LRRC4C: variants seen among roughly 807,000 people sequenced by gnomAD.
The protein encoded by LRRC4C is leucine-rich repeat-containing protein 4C.
A neutral mutation model predicts 33.6 loss-of-function variants in LRRC4C; 5 were observed. The observed-to-expected ratio is 0.15, with a 90% CI of 0.08 to 0.31. LRRC4C has a LOEUF of 0.31. Among genes scored for constraint, LRRC4C ranks in the 10% least tolerant of loss-of-function variants. LRRC4C has a pLI of 1.00. For missense variants in LRRC4C, 560 were observed against 796.7 expected, an observed-to-expected ratio of 0.70 and a Z score of 3.58; for synonymous variants, 329 against 302.0, an observed-to-expected ratio of 1.09 and a Z score of -0.93.
chr11:40,876,268 T>TTTC (rs1426743059), intron 2 of LRRC4C, among the ~76,000 whole-genome samples: 2 of 148,162 alleles, frequency 1.3e-5, no homozygotes. Flanking sequence ...GGGTTTTTTT[T>TTTC]TTTTTTTTTT....
chr11:40,731,197 T>C (rs1244359241), intron 2 of LRRC4C, among the ~76,000 whole-genome samples: 2 of 151,832 alleles, frequency 1.3e-5, no homozygotes, highest in African/African-American at 2.4e-5. Flanking sequence ...CAAGTGCCTG[T>C]AGTCCCAGCT....
At chr11:40,434,104 C>A (rs1394347447) in intron 3 of LRRC4C, among the ~76,000 whole-genome samples, 1 of 152,138 alleles carries the variant, frequency 6.6e-6, no homozygotes, top group African/African-American at 2.4e-5. Context: ...AATCTTTCAA[C>A]TATGATATTA....
chr11:40,521,831 T>C (rs1434540610), intron 3 of LRRC4C, among the ~76,000 whole-genome samples: 1 of 151,914 alleles, frequency 6.6e-6, no homozygotes, highest in Non-Finnish European at 1.5e-5. Context: ...ATCGTGCCAC[T>C]GTACTCCAGC....
intron 3 of LRRC4C, among the ~76,000 whole-genome samples, chr11:40,455,850 C>T (rs1952107002): frequency 6.6e-6 from 1 of 151,792 alleles, no homozygotes; most frequent in Admixed American, 6.6e-5. Context: ...CTGTGTTGGC[C>T]AACTCATTTT....
At chr11:41,056,022 C>G (rs1858595694) in intron 1 of LRRC4C, among the ~76,000 whole-genome samples, 2 of 152,144 alleles carry the variant, frequency 1.3e-5, no homozygotes, top group Non-Finnish European at 2.9e-5. Context: ...GTGTTAGTTA[C>G]ATGTACACAA....
rs570196437 is a variant in LRRC4C, at chr11:40,214,973, T to C, written c.-96+26546A>G. 3.3e-4 allele frequency among the ~76,000 whole-genome samples: 50 copies of C among 152,268 alleles called. 1 individual carries two copies. The South Asian group carries it at 0.01, about 32-fold the overall frequency. ...GCTGGTACTCCCTGGAGTTGTACTG[T>C]GCGCAGCCTGTGTGAAGGGACCTGG... On this transcript the variant is annotated intron_variant, in intron 5 of 6. Transcript: ENST00000528697.
At chr11:41,041,303 A>C (rs1042260391) in intron 1 of LRRC4C, among the ~76,000 whole-genome samples, 1 of 152,310 alleles carries the variant, frequency 6.6e-6, no homozygotes, top group African/African-American at 2.4e-5. Flanking sequence ...TTGTAAAGAT[A>C]TCTTCTCAGA....
At chr11:40,305,534 AT>A (rs1456506703) in intron 4 of LRRC4C, among the ~76,000 whole-genome samples, 1 of 152,032 alleles carries the variant, frequency 6.6e-6, no homozygotes, top group Admixed American at 6.6e-5. Flanking sequence ...TGTAGCAAAT[AT>A]TCTCAGGTCA....
chr11:40,629,089 A>G (rs1383084503), intron 3 of LRRC4C, among the ~76,000 whole-genome samples: 1 of 152,216 alleles, frequency 6.6e-6, no homozygotes, highest in Admixed American at 6.5e-5. Flanking sequence ...AGCAAGTTGC[A>G]ATTAAAACAT....
At chr11:40,559,767 C>G (rs1957474728) in intron 3 of LRRC4C, among the ~76,000 whole-genome samples, 1 of 152,104 alleles carries the variant, frequency 6.6e-6, no homozygotes, top group Non-Finnish European at 1.5e-5. Context: ...ACCATTCTGA[C>G]TGGTACGAGT....
rs145980399 is a variant in LRRC4C, at chr11:40,676,393, C to T, written c.-406-28115G>A. On this transcript the variant is annotated intron_variant, in intron 2 of 6. Transcript: ENST00000528697. ...AACCCTAGAGATCATCTAATTTAAC[C>T]TCCTACACTGTAGGAATTCCCTCCG... 8.6e-4 allele frequency among the ~76,000 whole-genome samples: 131 copies of T among 152,244 alleles called. 4 individuals are homozygous for T. The East Asian group carries it at 0.023, about 26-fold the overall frequency.
chr11:41,446,054 T>A (rs1955816092), intron 1 of LRRC4C, among the ~76,000 whole-genome samples: 1 of 152,168 alleles, frequency 6.6e-6, no homozygotes, highest in Admixed American at 6.5e-5. Context: ...GACTCAATAA[T>A]AACGTTAAAA....
chr11:40,384,554 C>T (rs1180847059), intron 3 of LRRC4C, among the ~76,000 whole-genome samples: 1 of 152,168 alleles, frequency 6.6e-6, no homozygotes, highest in Non-Finnish European at 1.5e-5. Context: ...ATGGGTCCAA[C>T]ATTCAAATCG....
chr11:41,161,584 A>T (rs892848398), intron 1 of LRRC4C, among the ~76,000 whole-genome samples: 1 of 152,286 alleles, frequency 6.6e-6, no homozygotes, highest in Middle Eastern at 3.4e-3. Context: ...AGTGCATGTC[A>T]TGGACACTTA....
intron 1 of LRRC4C, among the ~76,000 whole-genome samples, chr11:41,381,441 T>C (rs1043186865): frequency 2.0e-5 from 3 of 151,738 alleles, no homozygotes; most frequent in Non-Finnish European, 4.4e-5. Flanking sequence ...GCCTGGCCAA[T>C]AGGGTGAAAC....
At chr11:40,579,659 C>T (rs1446510197) in intron 3 of LRRC4C, among the ~76,000 whole-genome samples, 1 of 152,114 alleles carries the variant, frequency 6.6e-6, no homozygotes, top group Non-Finnish European at 1.5e-5. Flanking sequence ...TTCAGCCCGT[C>T]TATAACTCTT....
At chr11:41,455,671 A>G (rs987374705) in intron 1 of LRRC4C, among the ~76,000 whole-genome samples, 2 of 152,190 alleles carry the variant, frequency 1.3e-5, no homozygotes, top group Non-Finnish European at 2.9e-5. Flanking sequence ...TAAAGTCATC[A>G]TTACTGTAAC....
At chr11:41,410,682 C>T (rs1170550886) in intron 1 of LRRC4C, among the ~76,000 whole-genome samples, 14 of 152,122 alleles carry the variant, frequency 9.2e-5, no homozygotes, top group Admixed American at 3.3e-4. Flanking sequence ...CCTCGTGATC[C>T]ACCCGCTTCG....
intron 1 of LRRC4C, among the ~76,000 whole-genome samples, chr11:40,946,667 G>T (rs1188619848): frequency 1.3e-5 from 2 of 152,090 alleles, no homozygotes; most frequent in Non-Finnish European, 2.9e-5. Context: ...GTCCCTTATT[G>T]TGGTTTTGAT....
Sources: gnomAD v4.1 joint callset for allele counts (sites outside exome capture counted in the v4.1 genomes callset) on GRCh38, gnomAD v4.1.1 for gene constraint, MANE v1.5 for transcripts, NCBI Gene and HGNC (gene_info 2026-07-23, HGNC 2026-07-21) for gene names.